Variants in AGBL4 observed in about 807,000 individuals in gnomAD.
AGBL4 encodes AGBL carboxypeptidase 4.
A neutral mutation model predicts 66.4 loss-of-function variants in AGBL4; 58 were observed. The ratio of observed to expected loss-of-function variants is 0.87; its 90% confidence interval spans 0.71 to 1.09. The LOEUF is 1.09. Ranked by LOEUF, AGBL4 falls within the 50% of genes least tolerant of loss-of-function variation. The pLI, the probability that AGBL4 is intolerant of heterozygous loss-of-function variation, is 0.00. For synonymous variants in AGBL4, 234 were observed against 222.9 expected (o/e 1.05, Z -0.44); for missense variants, 579 against 631.0 (o/e 0.92, Z 0.88).
chr1:49,071,358 C>A (rs565314982), intron 4 of AGBL4, among the ~76,000 whole-genome samples: 1 of 151,924 alleles, frequency 6.6e-6, no homozygotes, highest in East Asian at 1.9e-4. Flanking sequence ...TTAGATCTTT[C>A]CTGCTTTCTC....
intron 5 of AGBL4, among the ~76,000 whole-genome samples, chr1:48,955,521 G>A (rs1380605312): frequency 6.6e-6 from 1 of 152,028 alleles, no homozygotes; most frequent in Non-Finnish European, 1.5e-5. Context: ...TATTGTTGTT[G>A]TTGTCATTGT....
chr1:48,654,966 C>T (rs1464090465), intron 7 of AGBL4, among the ~76,000 whole-genome samples: 3 of 152,214 alleles, frequency 2.0e-5, no homozygotes. Context: ...CTTAATCTGT[C>T]CAGTAATTGA....
At chr1:49,578,292 T>C (rs960577914) in intron 3 of AGBL4, among the ~76,000 whole-genome samples, 2 of 152,190 alleles carry the variant, frequency 1.3e-5, no homozygotes, top group African/African-American at 4.8e-5. Flanking sequence ...ATGGCATCTC[T>C]TAGTATTACC....
At chr1:48,709,606 A>ATTATTATTATTAT (rs1646933069) in intron 6 of AGBL4, among the ~76,000 whole-genome samples, 1 of 148,394 alleles carries the variant, frequency 6.7e-6, no homozygotes, top group South Asian at 2.1e-4. Context: ...TATTATTATT[A>ATTATTATTATTAT]TTATTATTAT....
At chr1:49,747,164 T>C (rs1482240078) in intron 2 of AGBL4, among the ~76,000 whole-genome samples, 1 of 152,168 alleles carries the variant, frequency 6.6e-6, no homozygotes, top group Non-Finnish European at 1.5e-5. Context: ...ATTAATATGA[T>C]ATTTTATTTT....
chr1:50,001,152 CATGTGTATA>C (rs540065558), intron 1 of AGBL4, among the ~76,000 whole-genome samples: 1 of 150,990 alleles, frequency 6.6e-6, no homozygotes, highest in South Asian at 2.1e-4. Context: ...GGTATGACCA[CATGTGTATA>C]TATATATATA....
At chr1:49,029,871 C>T (rs925489492) in intron 5 of AGBL4, among the ~76,000 whole-genome samples, 2 of 152,140 alleles carry the variant, frequency 1.3e-5, no homozygotes, top group Non-Finnish European at 2.9e-5. Flanking sequence ...GAAATAAACT[C>T]TTACATGTAT....
chr1:49,474,307 G>C (rs1646805856), intron 3 of AGBL4, among the ~76,000 whole-genome samples: 1 of 151,960 alleles, frequency 6.6e-6, no homozygotes, highest in Admixed American at 6.6e-5. Context: ...ATTTCTTTCA[G>C]CTCTGTTTTC....
chr1:49,904,877 G>C (rs759079150), intron 1 of AGBL4, among the ~76,000 whole-genome samples: 1 of 152,142 alleles, frequency 6.6e-6, no homozygotes, highest in Non-Finnish European at 1.5e-5. Context: ...TGACACTAAA[G>C]AGATGATGAA....
chr1:48,736,495 AG>A lies in AGBL4; in HGVS notation c.635-73255del, dbSNP rs754216009. On this transcript the variant is annotated intron_variant, in intron 6 of 13. Transcript: ENST00000371839. The surrounding 1 kb of genome is among the most constrained non-coding windows in gnomAD (Gnocchi z 4.0). Reference sequence around the variant, plus strand: ...ACCAGCACCTGTTTAGTCCGACAGGAGGGCAGTGGGAGGCTTCTCTTGTCCT... The same window carrying A: ...ACCAGCACCTGTTTAGTCCGACAGGAGGCAGTGGGAGGCTTCTCTTGTCCT... 3 of 1,554,740 alleles carry A rather than the reference AG, an allele frequency of 1.9e-6. No homozygotes were observed. The highest frequency in any genetic ancestry group is 2.7e-6 in the Non-Finnish European group (3 of 1,128,452).
At chr1:48,908,468 T>C (rs1268397595) in intron 5 of AGBL4, among the ~76,000 whole-genome samples, 2 of 152,234 alleles carry the variant, frequency 1.3e-5, no homozygotes, top group African/African-American at 2.4e-5. Context: ...GTCTTATGGA[T>C]TTATTGCAAT....
chr1:49,116,008 G>C (rs1379341180), intron 4 of AGBL4, among the ~76,000 whole-genome samples: 3 of 152,074 alleles, frequency 2.0e-5, no homozygotes, highest in African/African-American at 7.2e-5. Flanking sequence ...GAGTCCAAAA[G>C]TAATTAAGAG....
chr1:49,482,916 T>C (rs1272314573), intron 3 of AGBL4, among the ~76,000 whole-genome samples: 1 of 152,092 alleles, frequency 6.6e-6, no homozygotes, highest in Non-Finnish European at 1.5e-5. Context: ...TCAATTTCCA[T>C]GTAATTGTAT....
intron 4 of AGBL4, among the ~76,000 whole-genome samples, chr1:49,087,534 T>C (rs770569825): frequency 6.6e-6 from 1 of 151,930 alleles, no homozygotes; most frequent in Admixed American, 6.6e-5. Context: ...CAGACAAAAT[T>C]GAGAAAAATC....
chr1:49,123,868 A>G (rs1196262878), intron 4 of AGBL4, among the ~76,000 whole-genome samples: 1 of 152,222 alleles, frequency 6.6e-6, no homozygotes, highest in Non-Finnish European at 1.5e-5. Context: ...CAATAAGTAC[A>G]GACATTATCC....
At chr1:49,891,730 GAA>G (rs1410807874) in intron 1 of AGBL4, among the ~76,000 whole-genome samples, 6 of 152,166 alleles carry the variant, frequency 3.9e-5, no homozygotes, top group Non-Finnish European at 8.8e-5. Context: ...AACCTCAACA[GAA>G]TTGATAAGAC....
intron 3 of AGBL4, among the ~76,000 whole-genome samples, chr1:49,305,798 C>T (rs1377423545): frequency 2.6e-5 from 4 of 151,852 alleles, no homozygotes; most frequent in African/African-American, 9.7e-5. Flanking sequence ...TCAAGCAATT[C>T]TCCTGTCTCA....
At chr1:48,912,313 A>T (rs1653199024) in intron 5 of AGBL4, among the ~76,000 whole-genome samples, 1 of 152,206 alleles carries the variant, frequency 6.6e-6, no homozygotes, top group Non-Finnish European at 1.5e-5. Flanking sequence ...TATGACAAAC[A>T]TCTGAACCAC....
At chr1:49,498,910 A>G (rs1272902505) in intron 3 of AGBL4, among the ~76,000 whole-genome samples, 1 of 152,034 alleles carries the variant, frequency 6.6e-6, no homozygotes, top group Non-Finnish European at 1.5e-5. Flanking sequence ...GATAAATCCT[A>G]CTTGATCATG....
Sources: gnomAD v4.1 joint callset for allele counts (sites outside exome capture counted in the v4.1 genomes callset) on GRCh38, gnomAD v4.1.1 for gene constraint, Gnocchi (gnomAD v3.1) non-coding constraint, MANE v1.5 for transcripts, NCBI Gene and HGNC (gene_info 2026-07-23, HGNC 2026-07-21) for gene names.